The following TMEM132D variants were observed in gnomAD, a reference collection of about 807,000 sequenced individuals.
TMEM132D encodes the protein transmembrane protein 132D.
TMEM132D carries 21 observed loss-of-function variants against 62.3 expected under a neutral mutation model. The observed-to-expected ratio is 0.34, with a 90% CI of 0.24 to 0.49. TMEM132D has a LOEUF of 0.49. TMEM132D is among the 20% of genes least tolerant of loss of function. The pLI is 0.99. For synonymous variants in TMEM132D, 621 were observed against 575.6 expected (o/e 1.08, Z -1.13); for missense variants, 1,346 against 1,402.8 (o/e 0.96, Z 0.65).
chr12:129,312,875 C>A (rs190564607), intron 4 of TMEM132D, among the ~76,000 whole-genome samples: 82 of 152,180 alleles, frequency 5.4e-4, no homozygotes, highest in Middle Eastern at 3.4e-3. Flanking sequence ...TGGCTTAGAC[C>A]AGGGTATTTG....
chr12:129,743,220 GAAT>G (rs1260434964), intron 1 of TMEM132D, among the ~76,000 whole-genome samples: 2 of 152,124 alleles, frequency 1.3e-5, no homozygotes, highest in Non-Finnish European at 2.9e-5. Flanking sequence ...GTGGCAAATG[GAAT>G]AATACTTCCC....
intron 1 of TMEM132D, among the ~76,000 whole-genome samples, chr12:129,901,141 G>C (rs1271303971): frequency 6.6e-6 from 1 of 152,180 alleles, no homozygotes; most frequent in South Asian, 2.1e-4. Flanking sequence ...ATCAGCCCCA[G>C]ACAAATGAGG....
chr12:129,153,697 T>C (rs1266120628), intron 5 of TMEM132D, among the ~76,000 whole-genome samples: 1 of 151,928 alleles, frequency 6.6e-6, no homozygotes, highest in Non-Finnish European at 1.5e-5. Context: ...AACCCCAAGC[T>C]CAGTGGTTTG....
chr12:129,330,645 C>T (rs1431621406), intron 4 of TMEM132D, among the ~76,000 whole-genome samples: 2 of 152,138 alleles, frequency 1.3e-5, no homozygotes, highest in Admixed American at 1.3e-4. Context: ...ATACTCTGCC[C>T]CGCTCCATGC....
At chr12:129,581,102 T>C (rs778011065) in intron 2 of TMEM132D, among the ~76,000 whole-genome samples, 7 of 152,252 alleles carry the variant, frequency 4.6e-5, no homozygotes, top group Non-Finnish European at 8.8e-5. Context: ...ATTGAGTGAG[T>C]TCTCCCTCTA....
At position 129,086,201 on chromosome 12, in the gene TMEM132D, C is replaced by CGCGCGTGTGT. The variant is rs1349816832; in HGVS notation, c.1444-1500_1444-1499insACACACGCGC. 2.5e-3 allele frequency among the ~76,000 whole-genome samples: 346 copies of CGCGCGTGTGT among 141,126 alleles called. 2 individuals carry two copies. Among genetic ancestry groups the CGCGCGTGTGT allele is most frequent in the African/African-American group, 8.1e-3 (291 of 36,006 alleles). 92.6% of individuals were successfully genotyped at this position (141,126 alleles called of 152,430 possible). ...ATCACCTCACATAGTCACGCGCGCG[C>CGCGCGTGTGT]GTGTGTGTGTGTGTGTGTGTGTGTG... On this transcript the variant is annotated intron_variant, in intron 5 of 8. Coordinates refer to ENST00000422113, the MANE Select transcript of TMEM132D (RefSeq NM_133448.3).
At chr12:129,242,735 CTTCT>C (rs1879968440) in intron 4 of TMEM132D, among the ~76,000 whole-genome samples, 1 of 134,642 alleles carries the variant, frequency 7.4e-6, no homozygotes, top group African/African-American at 2.7e-5. Context: ...AATTTTTCTT[CTTCT>C]TTTTTAAGAA....
At chr12:129,674,573 A>G (rs1880583390) in intron 2 of TMEM132D, among the ~76,000 whole-genome samples, 1 of 152,092 alleles carries the variant, frequency 6.6e-6, no homozygotes, top group African/African-American at 2.4e-5. Context: ...GAGTCTCAAA[A>G]CAGTCACCTG....
At chr12:129,684,550 G>A (rs1267515500) in intron 2 of TMEM132D, among the ~76,000 whole-genome samples, 1 of 152,124 alleles carries the variant, frequency 6.6e-6, no homozygotes, top group African/African-American at 2.4e-5. Flanking sequence ...GCACCACAGA[G>A]AGTGGGGTGC....
At chr12:129,896,553 A>G (rs896825012) in intron 1 of TMEM132D, among the ~76,000 whole-genome samples, 1 of 152,220 alleles carries the variant, frequency 6.6e-6, no homozygotes, top group Non-Finnish European at 1.5e-5. Context: ...AATAACAACA[A>G]TGAAATCTGA....
chr12:129,175,854 T>C (rs769697158), intron 5 of TMEM132D, among the ~76,000 whole-genome samples: 14 of 152,254 alleles, frequency 9.2e-5, no homozygotes, highest in Non-Finnish European at 1.9e-4. Context: ...TATTTTTTTA[T>C]GTCCAAAATC....
chr12:129,721,714 G>A (rs1175762722), intron 1 of TMEM132D, among the ~76,000 whole-genome samples: 1 of 152,190 alleles, frequency 6.6e-6, no homozygotes, highest in Non-Finnish European at 1.5e-5. Flanking sequence ...TCTGCCCCAT[G>A]TGGATCCTGC....
intron 6 of TMEM132D, among the ~76,000 whole-genome samples, chr12:129,083,615 C>A (rs1874521994): frequency 6.6e-6 from 1 of 152,190 alleles, no homozygotes; most frequent in African/African-American, 2.4e-5. Context: ...GCCATGGGAC[C>A]AAAGGAATGA....
At chr12:129,108,975 G>A (rs1311704609) in intron 5 of TMEM132D, among the ~76,000 whole-genome samples, 1 of 152,036 alleles carries the variant, frequency 6.6e-6, no homozygotes, top group Admixed American at 6.5e-5. Context: ...TTTACCCCTC[G>A]ATGCTCTAGA....
At chr12:129,434,065 C>T (rs78819441) in intron 3 of TMEM132D, among the ~76,000 whole-genome samples, 3 of 152,266 alleles carry the variant, frequency 2.0e-5, no homozygotes, top group East Asian at 3.9e-4. Context: ...AACGTCATTC[C>T]TCATATTATT....
chr12:129,405,371 C>G (rs1276404209), intron 3 of TMEM132D, among the ~76,000 whole-genome samples: 1 of 152,122 alleles, frequency 6.6e-6, no homozygotes, highest in Non-Finnish European at 1.5e-5. Flanking sequence ...CCCAAAGGCC[C>G]TCATCTCCAA....
chr12:129,702,074 G>A (rs1180522599), intron 1 of TMEM132D, among the ~76,000 whole-genome samples: 1 of 152,184 alleles, frequency 6.6e-6, no homozygotes, highest in African/African-American at 2.4e-5. Context: ...GATAACACAG[G>A]GTGTCAGGCT....
chr12:129,109,059 A>T (rs894840120), intron 5 of TMEM132D, among the ~76,000 whole-genome samples: 5 of 152,262 alleles, frequency 3.3e-5, no homozygotes, highest in African/African-American at 1.2e-4. Flanking sequence ...TACTATTACC[A>T]GAGATGGAAA....
intron 3 of TMEM132D, among the ~76,000 whole-genome samples, chr12:129,527,370 T>G (rs1350027540): frequency 6.6e-6 from 1 of 152,148 alleles, no homozygotes; most frequent in Non-Finnish European, 1.5e-5. Flanking sequence ...TTACAAAAAA[T>G]GTAAAATCAG....
Sources: allele counts gnomAD v4.1 joint callset (sites outside exome capture counted in the v4.1 genomes callset), GRCh38; gene constraint gnomAD v4.1.1; transcripts MANE v1.5; gene names NCBI Gene and HGNC (gene_info 2026-07-23, HGNC 2026-07-21).